SDK1: variants seen among roughly 807,000 people sequenced by gnomAD.
The protein encoded by SDK1 is sidekick cell adhesion molecule 1.
SDK1 carries 157 observed loss-of-function variants against 245.5 expected under a neutral mutation model. The ratio of observed to expected loss-of-function variants is 0.64; its 90% CI spans 0.56 to 0.73. The LOEUF is 0.73. SDK1 is among the 30% of genes least tolerant of loss of function. The probability of loss-of-function intolerance (pLI) is 0.00; values close to 1 mark genes in which losing one functional copy is unlikely to be tolerated. For missense variants in SDK1, 3,583 were observed against 3,002.3 expected (o/e 1.19, Z -4.52); for synonymous variants, 1,647 against 1,278.5 (o/e 1.29, Z -6.15).
intron 5 of SDK1, among the ~76,000 whole-genome samples, chr7:3,905,943 C>A (rs1194236939): frequency 6.6e-6 from 1 of 152,140 alleles, no homozygotes; most frequent in East Asian, 1.9e-4. Context: ...AAATTCTTAG[C>A]CTTATTTTTT....
intron 4 of SDK1, among the ~76,000 whole-genome samples, chr7:3,657,334 G>C (rs1293318981): frequency 6.6e-6 from 1 of 152,198 alleles, no homozygotes; most frequent in Non-Finnish European, 1.5e-5. Context: ...TTGGCACCCA[G>C]TGTCTACAGG....
intron 4 of SDK1, among the ~76,000 whole-genome samples, chr7:3,803,358 T>G (rs1779155599): frequency 6.6e-6 from 1 of 151,832 alleles, no homozygotes; most frequent in Non-Finnish European, 1.5e-5. Flanking sequence ...TCACCTAGGC[T>G]GGAGTGCAGT....
intron 9 of SDK1, among the ~76,000 whole-genome samples, chr7:3,966,211 C>T (rs1479639873): frequency 6.6e-6 from 1 of 152,090 alleles, no homozygotes; most frequent in Admixed American, 6.5e-5. Context: ...ACAAGGTCAG[C>T]TTCAGGAAGG....
chr7:3,947,503 C>G (rs946912102), intron 5 of SDK1, among the ~76,000 whole-genome samples: 10 of 143,802 alleles, frequency 7.0e-5, no homozygotes, highest in African/African-American at 2.6e-4. Context: ...TTTCTAATTG[C>G]CTTTCCTTTT....
At chr7:3,779,635 A>G (rs1780666414) in intron 4 of SDK1, among the ~76,000 whole-genome samples, 1 of 152,208 alleles carries the variant, frequency 6.6e-6, no homozygotes, top group Non-Finnish European at 1.5e-5. Context: ...AAAAAATAAT[A>G]AAGTTAAGAT....
At chr7:3,728,997 T>C (rs147825677) in intron 4 of SDK1, among the ~76,000 whole-genome samples, 478 of 152,284 alleles carry the variant, frequency 3.1e-3, no homozygotes, top group African/African-American at 0.011. Flanking sequence ...AGGGAGAATA[T>C]AGGATGCCAA....
chr7:3,781,063 A>G (rs1207467105), intron 4 of SDK1, among the ~76,000 whole-genome samples: 1 of 151,996 alleles, frequency 6.6e-6, no homozygotes, highest in Non-Finnish European at 1.5e-5. Flanking sequence ...AACTCAGTCA[A>G]AAGCCCACCT....
chr7:3,566,419 G>C (rs1309538727), intron 1 of SDK1, among the ~76,000 whole-genome samples: 4 of 151,886 alleles, frequency 2.6e-5, no homozygotes, highest in African/African-American at 7.3e-5. Context: ...TAGAGACGGG[G>C]TTTCACTGTG....
chr7:3,433,211 A>T (rs1329584815), intron 1 of SDK1, among the ~76,000 whole-genome samples: 1 of 152,118 alleles, frequency 6.6e-6, no homozygotes, highest in Non-Finnish European at 1.5e-5. Context: ...CTTCGTCCAC[A>T]TTATCTAGTT....
intron 4 of SDK1, among the ~76,000 whole-genome samples, chr7:3,741,355 G>C (rs1344469374): frequency 6.6e-6 from 1 of 152,242 alleles, no homozygotes; most frequent in East Asian, 1.9e-4. Context: ...AGCTCCCAGG[G>C]GATGCTCTTC....
chr7:3,649,218 C>G (rs1345411837), intron 4 of SDK1, among the ~76,000 whole-genome samples: 1 of 152,050 alleles, frequency 6.6e-6, no homozygotes, highest in Non-Finnish European at 1.5e-5. Context: ...GAGTCCTAAG[C>G]TGGAGGGGGT....
At chr7:3,494,334 C>T (rs1277589090) in intron 1 of SDK1, among the ~76,000 whole-genome samples, 4 of 152,076 alleles carry the variant, frequency 2.6e-5, no homozygotes, top group African/African-American at 9.7e-5. Flanking sequence ...TACGGGTATC[C>T]TACCTGGAAC....
At chr7:3,655,477 A>ATATATATATATATATATATG (rs1783144753) in intron 4 of SDK1, among the ~76,000 whole-genome samples, 7 of 88,192 alleles carry the variant, frequency 7.9e-5, no homozygotes, top group African/African-American at 3.5e-4. Flanking sequence ...ATATATATAT[A>ATATATATATATATATATATG]TATATATATA....
At chr7:3,385,819 C>T (rs976986715) in intron 1 of SDK1, among the ~76,000 whole-genome samples, 4 of 152,096 alleles carry the variant, frequency 2.6e-5, no homozygotes, top group African/African-American at 9.7e-5. Flanking sequence ...AACAAAATTG[C>T]TTTAGACCAA....
chr7:4,153,916 A>G (rs1310581213), intron 30 of SDK1, among the ~76,000 whole-genome samples: 1 of 152,026 alleles, frequency 6.6e-6, no homozygotes, highest in Non-Finnish European at 1.5e-5. Flanking sequence ...CCTGGCCTCA[A>G]GTGATCCTCT....
intron 1 of SDK1, among the ~76,000 whole-genome samples, chr7:3,592,004 A>G (rs1780890847): frequency 6.6e-6 from 1 of 152,238 alleles, no homozygotes; most frequent in Admixed American, 6.5e-5. Flanking sequence ...CTATACAGAA[A>G]CAAATGAATA....
At chr7:3,612,068 C>A (rs1043743351) in intron 1 of SDK1, among the ~76,000 whole-genome samples, 2 of 152,038 alleles carry the variant, frequency 1.3e-5, no homozygotes, top group African/African-American at 4.8e-5. Flanking sequence ...AAGAATGATA[C>A]AATGGACTTT....
intron 5 of SDK1, among the ~76,000 whole-genome samples, chr7:3,841,604 T>C (rs528762233): frequency 7.2e-5 from 11 of 151,962 alleles, no homozygotes; most frequent in Non-Finnish European, 1.6e-4. Flanking sequence ...TTTTGCTCTG[T>C]CACCCAGGCT....
intron 43 of SDK1, among the ~76,000 whole-genome samples, chr7:4,243,105 G>A (rs1786633473): frequency 6.6e-6 from 1 of 152,198 alleles, no homozygotes; most frequent in Non-Finnish European, 1.5e-5. Flanking sequence ...GTAGTTTCAA[G>A]GCCAGGAGGA....
Sources: gnomAD v4.1 joint callset for allele counts (sites outside exome capture counted in the v4.1 genomes callset) on GRCh38, gnomAD v4.1.1 for gene constraint, MANE v1.5 for transcripts, NCBI Gene and HGNC (gene_info 2026-07-23, HGNC 2026-07-21) for gene names.